Variants in KAZN observed in about 807,000 individuals in gnomAD.
KAZN encodes kazrin, periplakin interacting protein.
A neutral mutation model predicts 87.4 loss-of-function variants in KAZN; 40 were observed. The observed-to-expected ratio is 0.46, with a 90% CI of 0.36 to 0.60. KAZN has a LOEUF of 0.60. KAZN is among the 20% of genes least tolerant of loss of function. KAZN has a pLI of 0.00. For synonymous variants in KAZN, 466 were observed against 458.3 expected, an observed-to-expected ratio of 1.02 and a Z score of -0.22; for missense variants, 898 against 1,073.9, an observed-to-expected ratio of 0.84 and a Z score of 2.29.
At chr1:14,514,024 A>G (rs913686830) in intron 2 of KAZN, among the ~76,000 whole-genome samples, 2 of 151,738 alleles carry the variant, frequency 1.3e-5, no homozygotes, top group Non-Finnish European at 2.9e-5. Context: ...CTGAGCCGAA[A>G]AAAAATATTT....
chr1:15,074,156 T>G (rs2100602996), intron 8 of KAZN, among the ~76,000 whole-genome samples: 1 of 152,382 alleles, frequency 6.6e-6, no homozygotes, highest in African/African-American at 2.4e-5. Context: ...TTTCCACCTG[T>G]GGCCTGTGAA....
At chr1:14,924,077 G>C in intron 1 of KAZN, 3 of 949,440 alleles carry the variant, frequency 3.2e-6, no homozygotes, top group South Asian at 9.4e-5. Flanking sequence ...GGCGGGGCGA[G>C]CCTCGGCAGT....
At chr1:14,218,121 T>G (rs2100485275) in intron 2 of KAZN, among the ~76,000 whole-genome samples, 1 of 152,284 alleles carries the variant, frequency 6.6e-6, no homozygotes, top group Admixed American at 6.5e-5. Flanking sequence ...TTGCTAATGC[T>G]GAGTCTGTTT....
chr1:15,084,455 T>A (rs1640156411), intron 8 of KAZN, among the ~76,000 whole-genome samples: 1 of 152,208 alleles, frequency 6.6e-6, no homozygotes, highest in Admixed American at 6.5e-5. Flanking sequence ...GCATTCCTGG[T>A]CTCACAGAAA....
chr1:14,664,981 T>C (rs946230107), intron 1 of KAZN, among the ~76,000 whole-genome samples: 2 of 152,222 alleles, frequency 1.3e-5, no homozygotes, highest in Admixed American at 6.5e-5. Flanking sequence ...TTGGCTCCTC[T>C]GCTGGTTCTA....
chr1:14,015,897 GCTGT>G (rs1280380075), intron 1 of KAZN, among the ~76,000 whole-genome samples: 10 of 151,910 alleles, frequency 6.6e-5, no homozygotes, highest in Non-Finnish European at 1.5e-4. Flanking sequence ...TCAACTTGAG[GCTGT>G]CTGATTCCAG....
chr1:14,762,506 A>G (rs953967279), intron 1 of KAZN, among the ~76,000 whole-genome samples: 1 of 152,040 alleles, frequency 6.6e-6, no homozygotes, highest in Non-Finnish European at 1.5e-5. Flanking sequence ...TGGGAGGATC[A>G]TGAGGTCAGG....
chr1:15,055,983 G>A (rs1638241680), intron 4 of KAZN, 108 bp from the exon 5 acceptor site: 4 of 1,087,156 alleles, frequency 3.7e-6, no homozygotes, highest in Non-Finnish European at 5.4e-6. Context: ...GCAATACCCG[G>A]TGCAGAGGAT....
chr1:14,030,254 A>C (rs549032826), intron 1 of KAZN, among the ~76,000 whole-genome samples: 2 of 151,858 alleles, frequency 1.3e-5, no homozygotes, highest in South Asian at 2.1e-4. Flanking sequence ...ATGGGAGTTC[A>C]CTCATGATTT....
chr1:14,211,225 T>A (rs1646846754), intron 2 of KAZN, among the ~76,000 whole-genome samples: 1 of 152,166 alleles, frequency 6.6e-6, no homozygotes, highest in African/African-American at 2.4e-5. Flanking sequence ...TTTATTTATT[T>A]TTATTTTATT....
chr1:15,013,501 C>A (rs1267051098), intron 2 of KAZN, among the ~76,000 whole-genome samples: 2 of 152,234 alleles, frequency 1.3e-5, no homozygotes, highest in African/African-American at 4.8e-5. Flanking sequence ...TGCCTGTAAT[C>A]CAAGCGCTTT....
At chr1:14,154,248 C>T (rs958076615) in intron 1 of KAZN, among the ~76,000 whole-genome samples, 3 of 152,012 alleles carry the variant, frequency 2.0e-5, no homozygotes, top group African/African-American at 7.2e-5. Flanking sequence ...ATTTAATGTT[C>T]TTTGTTGCTA....
intron 2 of KAZN, among the ~76,000 whole-genome samples, chr1:14,567,940 C>T (rs1319002738): frequency 6.6e-6 from 1 of 152,196 alleles, no homozygotes; most frequent in East Asian, 1.9e-4. Context: ...GCTATATAAA[C>T]CCCCTCGCTT....
intron 2 of KAZN, among the ~76,000 whole-genome samples, chr1:14,336,762 T>C (rs1192404957): frequency 6.6e-6 from 1 of 152,240 alleles, no homozygotes; most frequent in Non-Finnish European, 1.5e-5. Flanking sequence ...TTTGGACAAA[T>C]GTCTATCCAA....
chr1:14,308,946 C>T (rs1473089317), intron 2 of KAZN, among the ~76,000 whole-genome samples: 1 of 152,174 alleles, frequency 6.6e-6, no homozygotes, highest in African/African-American at 2.4e-5. Flanking sequence ...TACATGCAGT[C>T]CTCAAAGGGC....
At chr1:14,411,814 CA>C (rs1275156662) in intron 2 of KAZN, among the ~76,000 whole-genome samples, 2 of 152,116 alleles carry the variant, frequency 1.3e-5, no homozygotes, top group Non-Finnish European at 2.9e-5. Context: ...AAATACCAGA[CA>C]GTAATAACAC....
chr1:14,074,765 G>A (rs559808974), intron 1 of KAZN, among the ~76,000 whole-genome samples: 2 of 152,138 alleles, frequency 1.3e-5, no homozygotes. Flanking sequence ...TATTAGCAAC[G>A]GACTGAGATG....
chr1:14,496,570 G>T (rs1669953667), intron 2 of KAZN, among the ~76,000 whole-genome samples: 1 of 151,766 alleles, frequency 6.6e-6, no homozygotes, highest in Non-Finnish European at 1.5e-5. Flanking sequence ...CTGTTGAAAA[G>T]GTTCGTGATC....
intron 1 of KAZN, among the ~76,000 whole-genome samples, chr1:14,109,020 A>AT (rs1174515130): frequency 6.6e-6 from 1 of 152,172 alleles, no homozygotes; most frequent in Non-Finnish European, 1.5e-5. Context: ...TAGGACTGCA[A>AT]TGTGGCCGAG....
Sources: gnomAD v4.1 joint callset for allele counts (sites outside exome capture counted in the v4.1 genomes callset) on GRCh38, gnomAD v4.1.1 for gene constraint, MANE v1.5 for transcripts, NCBI Gene and HGNC (gene_info 2026-07-23, HGNC 2026-07-21) for gene names.